ANOS1: variants seen among roughly 807,000 people sequenced by gnomAD.
ANOS1 encodes anosmin 1.
A neutral mutation model predicts 59.0 loss-of-function variants in ANOS1; 6 were observed. That is an observed-to-expected ratio of 0.10 (90% CI 0.06 to 0.20). The LOEUF (loss-of-function observed/expected upper bound fraction) is 0.20, where lower values mean the gene tolerates loss of function less well. ANOS1 is among the 10% of genes least tolerant of loss of function. ANOS1 has a pLI of 1.00. For synonymous variants in ANOS1, 217 were observed against 223.4 expected (o/e 0.97, Z 0.25); for missense variants, 433 against 542.3 (o/e 0.80, Z 2.00).
At chrX:8,637,140 C>T (rs749008868) in intron 2 of ANOS1, among the ~76,000 whole-genome samples, 2 of 112,187 alleles carry the variant, frequency 1.8e-5, no homozygotes, top group East Asian at 2.8e-4. Flanking sequence ...TCAACCAAAA[C>T]GAGCAGCAAG....
chrX:8,589,809 C>A (rs1393291664), intron 4 of ANOS1, among the ~76,000 whole-genome samples: 2 of 112,416 alleles, frequency 1.8e-5, no homozygotes, highest in African/African-American at 6.5e-5. Context: ...TTTCCACCTG[C>A]CTGCTGAATT....
intron 4 of ANOS1, among the ~76,000 whole-genome samples, chrX:8,596,097 T>G (rs1433228075): frequency 9.0e-6 from 1 of 111,386 alleles, no homozygotes; most frequent in East Asian, 2.8e-4. Context: ...TCCTACCGAT[T>G]CTACGTGACG....
At chrX:8,653,383 T>C (rs967619525) in intron 2 of ANOS1, among the ~76,000 whole-genome samples, 1 of 111,125 alleles carries the variant, frequency 9.0e-6, no homozygotes. Flanking sequence ...CTCTCCTAGA[T>C]TGAATGTTCC....
chrX:8,678,353 A>T (rs1029248622), intron 2 of ANOS1, among the ~76,000 whole-genome samples: 12 of 111,929 alleles, frequency 1.1e-4, no homozygotes, highest in African/African-American at 3.6e-4. Context: ...ATTTCAAAGG[A>T]GATTGAACCC....
intron 1 of ANOS1, among the ~76,000 whole-genome samples, chrX:8,707,456 G>A (rs1190312097): frequency 9.0e-6 from 1 of 111,482 alleles, no homozygotes; most frequent in Non-Finnish European, 1.9e-5. Flanking sequence ...TGATGACACC[G>A]AAAACTGAAC....
At chrX:8,678,750 T>C (rs1932374808) in intron 2 of ANOS1, among the ~76,000 whole-genome samples, 1 of 111,918 alleles carries the variant, frequency 8.9e-6, no homozygotes, top group South Asian at 3.8e-4. Flanking sequence ...TAAACTTCAA[T>C]TCCCTTTACT....
intron 2 of ANOS1, among the ~76,000 whole-genome samples, chrX:8,662,090 G>A (rs1382488057): frequency 9.0e-6 from 1 of 111,562 alleles, no homozygotes; most frequent in Non-Finnish European, 1.9e-5. Flanking sequence ...ATTACACTCA[G>A]GCCTGAGGCA....
At chrX:8,552,318 C>T (rs942871424) in intron 9 of ANOS1, among the ~76,000 whole-genome samples, 5 of 112,116 alleles carry the variant, frequency 4.5e-5, no homozygotes, top group East Asian at 5.6e-4. Context: ...ACATACTCTA[C>T]GGCCTAAGAA....
At chrX:8,719,351 GAGATTTAAACA>G (rs1932860301) in intron 1 of ANOS1, among the ~76,000 whole-genome samples, 1 of 112,007 alleles carries the variant, frequency 8.9e-6, no homozygotes, top group South Asian at 3.8e-4. Flanking sequence ...TGCCCTATTA[GAGATTTAAACA>G]AGAGTTAATC....
At chrX:8,606,054 C>A in intron 3 of ANOS1, among the ~76,000 whole-genome samples, 1 of 111,645 alleles carries the variant, frequency 9.0e-6, no homozygotes, top group African/African-American at 3.3e-5. Flanking sequence ...AAACAGAAAA[C>A]AAGAACAAAT....
intron 2 of ANOS1, among the ~76,000 whole-genome samples, chrX:8,651,368 G>C (rs1037002650): frequency 8.9e-6 from 1 of 112,457 alleles, no homozygotes; most frequent in East Asian, 2.8e-4. Flanking sequence ...AGGTCTTGAA[G>C]AATTGGGGAG....
intron 2 of ANOS1, among the ~76,000 whole-genome samples, chrX:8,671,618 T>TTA (rs1022204758): frequency 6.0e-4 from 64 of 107,272 alleles, no homozygotes; most frequent in Admixed American, 3.6e-3. Context: ...CTTGTATACA[T>TTA]TATATATATA....
rs1186921474 is a variant in ANOS1, at chrX:8,530,003, C to T, written c.*2992G>A. On this transcript the variant is annotated 3_prime_UTR_variant, in exon 14 of 14. Coordinates refer to ENST00000262648, the MANE Select transcript of ANOS1 (RefSeq NM_000216.4). ...AGGTTTTCAGGACACAGATGTATTT[C>T]TAATCTTTGAACTTCGTTTAATACA... is the stretch of plus-strand genomic sequence containing the variant. 2 of 111,807 alleles carry T rather than the reference C, an allele frequency of 1.8e-5. No individual in the cohort carries two copies. The highest frequency in any genetic ancestry group is 6.5e-5 in the African/African-American group (2 of 30,767). The allele number at this position is 111,807 out of a possible 1,213,427, so 9.2% of individuals were successfully genotyped here. A position where few individuals can be genotyped will look rare whatever the true frequency, so the allele number is the denominator to read the frequency against.
Position 8,570,650 on chromosome X carries a change from T to C in ANOS1, c.911A>G (p.Asn304Ser), listed in dbSNP as rs140812865. 122 of 1,210,052 alleles carry C rather than the reference T, an allele frequency of 1.0e-4. 1 individual carries two copies. In the African/African-American group the frequency reaches 1.9e-3, roughly 18 times the overall value. ...AGTGACGGTCACACTCCCATCACTG[T>C]TGACGGTGGAGTTGGCCAGCCGGAG... ...ANLRLANSTV[N>S]SDGSVTVTIV... The change falls in exon 7 of 14, where the codon AAC (asparagine) becomes AGC (serine). Residue 304 changes from asparagine (N) to serine (S), a missense_variant. Physicochemically the swap from Asn to Ser is conservative, Grantham distance 46 (BLOSUM62 1). Coordinates refer to ENST00000262648, the MANE Select transcript of ANOS1 (RefSeq NM_000216.4).
chrX:8,562,280 T>C lies in ANOS1; in HGVS notation c.1207+5952A>G, dbSNP rs774649524. 6.2e-5 allele frequency among the ~76,000 whole-genome samples: 7 copies of C among 112,044 alleles called. No homozygotes were observed. In the South Asian group the frequency reaches 1.8e-3, roughly 30 times the overall value. ...GTATTTAATTATAGATGTAAAAACA[T>C]ATTTTTATATATCTTAAGATTGAAC... On this transcript the variant is annotated intron_variant, in intron 8 of 13. Coordinates refer to ENST00000262648, the MANE Select transcript of ANOS1 (RefSeq NM_000216.4).
At chrX:8,654,254 C>CGTT (rs1414020198) in intron 2 of ANOS1, among the ~76,000 whole-genome samples, 1 of 111,794 alleles carries the variant, frequency 8.9e-6, no homozygotes, top group Non-Finnish European at 1.9e-5. Context: ...ATAAACAAAC[C>CGTT]ACATGTGTAA....
chrX:8,722,532 G>T (rs190314372), intron 1 of ANOS1, among the ~76,000 whole-genome samples: 1 of 110,488 alleles, frequency 9.1e-6, no homozygotes, highest in African/African-American at 3.3e-5. Flanking sequence ...AATACCATCA[G>T]TTCATTCCTT....
chrX:8,660,675 A>C lies in ANOS1; in HGVS notation c.256-37005T>G, dbSNP rs750282826. Among the ~76,000 whole-genome samples the C allele has an allele frequency of 7.1e-5, 8 of 112,011 alleles. No homozygotes were observed. The Admixed American group carries it at 7.6e-4, about 11-fold the overall frequency. On this transcript the variant is annotated intron_variant, in intron 2 of 13. Transcript: ENST00000262648. ...AGACTTTAACCCAAAACTATGATAT[A>C]ATCTTGTTGAGAATACAAACTCTGC...
intron 2 of ANOS1, among the ~76,000 whole-genome samples, chrX:8,651,671 C>T (rs756641491): frequency 2.0e-4 from 23 of 112,298 alleles, no homozygotes; most frequent in African/African-American, 7.4e-4. Flanking sequence ...AATAATAAAA[C>T]ATTTTGAAGT....
Sources: gnomAD v4.1 joint callset for allele counts (sites outside exome capture counted in the v4.1 genomes callset) on GRCh38, gnomAD v4.1.1 for gene constraint, MANE v1.5 for transcripts, NCBI Gene and HGNC (gene_info 2026-07-23, HGNC 2026-07-21) for gene names.